The following VWA3B variants were observed in gnomAD, a reference collection of about 807,000 sequenced individuals.
VWA3B encodes the protein von Willebrand factor A domain-containing protein 3B.
VWA3B carries 138 observed loss-of-function variants against 158.3 expected under a neutral mutation model. The ratio of observed to expected loss-of-function variants is 0.87; its 90% CI spans 0.76 to 1.00. The LOEUF is 1.00. Ranked by LOEUF, VWA3B falls within the 50% of genes least tolerant of loss-of-function variation. The probability of loss-of-function intolerance (pLI) is 0.00; values close to 1 mark genes in which losing one functional copy is unlikely to be tolerated. For missense variants in VWA3B, 1,555 were observed against 1,565.1 expected (o/e 0.99, Z 0.11); for synonymous variants, 596 against 587.3 (o/e 1.01, Z -0.21).
intron 26 of VWA3B, among the ~76,000 whole-genome samples, chr2:98,309,476 C>T (rs917201226): frequency 2.6e-5 from 4 of 152,138 alleles, no homozygotes; most frequent in Non-Finnish European, 5.9e-5. Context: ...TCTGGTCAAC[C>T]CCTGTTCCCC....
At chr2:98,281,990 C>T (rs547633138) in intron 22 of VWA3B, among the ~76,000 whole-genome samples, 32 of 152,192 alleles carry the variant, frequency 2.1e-4, no homozygotes, top group African/African-American at 4.1e-4. Context: ...TTTTAGACCT[C>T]GGTAGTTTGC....
chr2:98,328,453 A>ACATATT, the VWA3B span, among the ~76,000 whole-genome samples: 1 of 152,234 alleles, frequency 6.6e-6, no homozygotes, highest in Non-Finnish European at 1.5e-5. Flanking sequence ...AACTCCTAAG[A>ACATATT]CATATTCACT....
intron 13 of VWA3B, 34 bp downstream of exon 13, chr2:98,212,062 A>T: frequency 1.9e-6 from 3 of 1,589,756 alleles, no homozygotes; most frequent in Non-Finnish European, 2.6e-6. Flanking sequence ...AGAGGGCCTC[A>T]CTGATGCTCT....
chr2:98,248,849 TTC>T (rs373504011), intron 19 of VWA3B, among the ~76,000 whole-genome samples: 718 of 24,948 alleles, frequency 0.029, 10 homozygotes, highest in African/African-American at 0.22. Flanking sequence ...CTTTCTTTCT[TTC>T]TTTCTTTCTT....
At chr2:98,281,383 G>A (rs1414064689) in intron 22 of VWA3B, among the ~76,000 whole-genome samples, 2 of 152,198 alleles carry the variant, frequency 1.3e-5, no homozygotes, top group Non-Finnish European at 2.9e-5. Flanking sequence ...GATTAGAGCA[G>A]TGACAGACTT....
intron 7 of VWA3B, among the ~76,000 whole-genome samples, chr2:98,141,427 A>G (rs1465195977): frequency 6.6e-6 from 1 of 152,156 alleles, no homozygotes; most frequent in East Asian, 1.9e-4. Flanking sequence ...GAGCCAGTGC[A>G]TTACGTGGAG....
chr2:98,200,751 A>G lies in VWA3B; in HGVS notation c.1737+6259A>G, dbSNP rs575356502. ...TGCTTTTAGACCCATAGCTAAACAC[A>G]TTGCAGTCATGCAGGTTTTCTCATG... On this transcript the variant is annotated intron_variant, in intron 12 of 27. Coordinates refer to ENST00000477737, the MANE Select transcript of VWA3B (RefSeq NM_144992.5). Among the ~76,000 whole-genome samples, 6 of 152,340 alleles carry G rather than the reference A, an allele frequency of 3.9e-5. No homozygotes were observed. In the South Asian group the frequency reaches 8.3e-4, roughly 21 times the overall value.
At chr2:98,208,530 T>G (rs1683215878) in intron 12 of VWA3B, among the ~76,000 whole-genome samples, 1 of 152,198 alleles carries the variant, frequency 6.6e-6, no homozygotes, top group African/African-American at 2.4e-5. Context: ...TTGCTTTGTA[T>G]ACTTTTCTTA....
intron 19 of VWA3B, among the ~76,000 whole-genome samples, chr2:98,247,025 C>G (rs1226114869): frequency 6.6e-6 from 1 of 151,378 alleles, no homozygotes; most frequent in African/African-American, 2.4e-5. Context: ...TGAGACAGAG[C>G]CTCGCACTGT....
At chr2:98,121,741 A>G (rs1486679219) in intron 5 of VWA3B, among the ~76,000 whole-genome samples, 1 of 151,824 alleles carries the variant, frequency 6.6e-6, no homozygotes, top group Non-Finnish European at 1.5e-5. Flanking sequence ...AGTGCGACTC[A>G]CACCCACCGA....
At chr2:98,160,007 T>TAAAAAA (rs201978512) in intron 7 of VWA3B, among the ~76,000 whole-genome samples, 1 of 138,300 alleles carries the variant, frequency 7.2e-6, no homozygotes, top group Non-Finnish European at 1.6e-5. Context: ...AAGAATCCAT[T>TAAAAAA]AAAAAAAAAA....
At chr2:98,255,872 A>G (rs926183752) in intron 20 of VWA3B, among the ~76,000 whole-genome samples, 16 of 152,086 alleles carry the variant, frequency 1.1e-4, no homozygotes, top group African/African-American at 3.6e-4. Context: ...AACTGCCTTT[A>G]CTCAGTCTGA....
rs566726527 is a variant in VWA3B, at chr2:98,267,967, A to C, written c.2844-2715A>C. Among the ~76,000 whole-genome samples the C allele has an allele frequency of 2.0e-4, 31 of 152,256 alleles. 1 individual carries two copies. The highest frequency in any genetic ancestry group is 7.5e-4 in the African/African-American group (31 of 41,512). ...GAAATGGATAAATTCCTAGACACAT[A>C]CACTCTCCCAAGACTAAACCAGGAA... is the stretch of plus-strand genomic sequence containing the variant. On this transcript the variant is annotated intron_variant, in intron 21 of 27. Coordinates refer to ENST00000477737, the MANE Select transcript of VWA3B (RefSeq NM_144992.5).
chr2:98,243,731 C>A (rs1421416598), intron 19 of VWA3B, among the ~76,000 whole-genome samples: 1 of 152,160 alleles, frequency 6.6e-6, no homozygotes, highest in Non-Finnish European at 1.5e-5. Context: ...TTCTATGGAG[C>A]CTGCAGGTGT....
intron 2 of VWA3B, among the ~76,000 whole-genome samples, chr2:98,100,443 G>A (rs547271867): frequency 2.0e-4 from 31 of 152,358 alleles, no homozygotes; most frequent in Non-Finnish European, 4.3e-4. Flanking sequence ...CACACCCAAA[G>A]TCCATGGCCA....
At chr2:98,168,768 A>G (rs1204087367) in intron 8 of VWA3B, among the ~76,000 whole-genome samples, 1 of 152,198 alleles carries the variant, frequency 6.6e-6, no homozygotes, top group African/African-American at 2.4e-5. Flanking sequence ...GAAGACAGCA[A>G]TAGAAACTAT....
In VWA3B at chr2:98,234,781, C is replaced by T; in HGVS notation, c.2428+14C>T. The T allele has an allele frequency of 1.9e-6, 3 of 1,614,092 alleles. No individual in the cohort carries two copies. Among genetic ancestry groups the T allele is most frequent in the Non-Finnish European group, 2.5e-6 (3 of 1,179,968 alleles). On this transcript the variant is annotated intron_variant, in intron 17 of 27. Coordinates refer to ENST00000477737, the MANE Select transcript of VWA3B (RefSeq NM_144992.5). ...TAAGTGACAAAGGCAAGCCAGAAAG[C>T]ATCTCTGTGGCCAACCAGCCTCCCT...
intron 19 of VWA3B, among the ~76,000 whole-genome samples, chr2:98,248,387 T>C (rs948599465): frequency 6.6e-6 from 1 of 152,170 alleles, no homozygotes; most frequent in Admixed American, 6.5e-5. Context: ...ATCTGCCTTT[T>C]CTCTTTCTCC....
At chr2:98,139,208 C>T (rs950923403) in intron 7 of VWA3B, among the ~76,000 whole-genome samples, 2 of 152,222 alleles carry the variant, frequency 1.3e-5, no homozygotes, top group Admixed American at 6.5e-5. Context: ...GAGCTGCTCT[C>T]GATTTCTCGC....
Sources: gnomAD v4.1 joint callset for allele counts (sites outside exome capture counted in the v4.1 genomes callset) on GRCh38, gnomAD v4.1.1 for gene constraint, MANE v1.5 for transcripts, NCBI Gene and HGNC (gene_info 2026-07-23, HGNC 2026-07-21) for gene names.